Variants in AFG2A observed in about 807,000 individuals in gnomAD.
The protein encoded by AFG2A is ATPase family gene 2 protein homolog A.
the AFG2A span, among the ~76,000 whole-genome samples, chr4:123,153,835 A>G: frequency 1.3e-5 from 2 of 152,188 alleles, no homozygotes; most frequent in Non-Finnish European, 2.9e-5. Flanking sequence ...CACACATTAA[A>G]TACAAAGGAA....
the AFG2A span, among the ~76,000 whole-genome samples, chr4:122,992,769 AC>A: frequency 0.16 from 24,664 of 152,162 alleles, 2,421 homozygotes; most frequent in East Asian, 0.45. Context: ...TTAGCCACTT[AC>A]TTAAATGTAA....
At chr4:123,086,706 A>T in the AFG2A span, among the ~76,000 whole-genome samples, 2 of 151,314 alleles carry the variant, frequency 1.3e-5, no homozygotes, top group East Asian at 1.9e-4. Context: ...TTTTTTTTTT[A>T]AATCTAGTCC....
chr4:123,270,583 G>A, the AFG2A span, among the ~76,000 whole-genome samples: 45 of 151,868 alleles, frequency 3.0e-4, no homozygotes, highest in Admixed American at 1.9e-3. Flanking sequence ...GTTCTTCAGC[G>A]AAATAATGCA....
At chr4:123,177,129 AGTGT>A in the AFG2A span, among the ~76,000 whole-genome samples, 1 of 151,562 alleles carries the variant, frequency 6.6e-6, no homozygotes, top group Non-Finnish European at 1.5e-5. Context: ...CCTTAAATTT[AGTGT>A]CTGTGTAATC....
chr4:122,944,598 G>A, the AFG2A span, among the ~76,000 whole-genome samples: 6 of 152,216 alleles, frequency 3.9e-5, no homozygotes, highest in South Asian at 2.1e-4. Flanking sequence ...CCCGTAGCTC[G>A]GAGTAGTTTG....
the AFG2A span, chr4:122,923,182 G>A: frequency 1.9e-6 from 3 of 1,614,226 alleles, no homozygotes; most frequent in South Asian, 2.2e-5. Context: ...GAACCAAAGC[G>A]CGGAAAATGG....
chr4:123,007,648 C>CATAT, the AFG2A span, among the ~76,000 whole-genome samples: 12 of 39,916 alleles, frequency 3.0e-4, no homozygotes, highest in South Asian at 0.017. Context: ...ACACAACACA[C>CATAT]ACACACACAC....
chr4:123,198,886 G>A, the AFG2A span, among the ~76,000 whole-genome samples: 8 of 152,208 alleles, frequency 5.3e-5, no homozygotes. Context: ...TTAGAATCTA[G>A]ATGAGGCATG....
the AFG2A span, among the ~76,000 whole-genome samples, chr4:123,309,992 A>G: frequency 6.6e-6 from 1 of 152,230 alleles, no homozygotes; most frequent in African/African-American, 2.4e-5. Context: ...CTTGGAACTC[A>G]TACCACAGTA....
At chr4:122,992,837 C>T in the AFG2A span, among the ~76,000 whole-genome samples, 5,390 of 152,194 alleles carry the variant, frequency 0.035, 150 homozygotes, top group South Asian at 0.12. Context: ...AGGTCAAATG[C>T]GTTTTCTTTA....
At chr4:123,025,860 A>G in the AFG2A span, among the ~76,000 whole-genome samples, 1 of 152,242 alleles carries the variant, frequency 6.6e-6, no homozygotes, top group Admixed American at 6.5e-5. Flanking sequence ...TTAAGTTTTA[A>G]GTAACATTTA....
chr4:123,043,948 A>G, the AFG2A span, among the ~76,000 whole-genome samples: 8 of 152,296 alleles, frequency 5.3e-5, no homozygotes, highest in South Asian at 8.3e-4. Flanking sequence ...GCATTCAGAA[A>G]AACTGTTGCC....
At chr4:123,170,524 G>GT in the AFG2A span, among the ~76,000 whole-genome samples, 6 of 152,144 alleles carry the variant, frequency 3.9e-5, no homozygotes, top group Non-Finnish European at 8.8e-5. Flanking sequence ...GTAACTGACA[G>GT]TATGATCCTA....
the AFG2A span, among the ~76,000 whole-genome samples, chr4:123,085,484 G>GA: frequency 1.3e-5 from 2 of 152,086 alleles, no homozygotes; most frequent in African/African-American, 4.8e-5. Flanking sequence ...TTGCATGCTT[G>GA]AAGTCTACTG....
At chr4:123,135,587 T>C in the AFG2A span, among the ~76,000 whole-genome samples, 1 of 152,236 alleles carries the variant, frequency 6.6e-6, no homozygotes, top group East Asian at 1.9e-4. Flanking sequence ...TGGATAGTTA[T>C]GCCTGCTGAA....
chr4:123,052,998 A>G, the AFG2A span, among the ~76,000 whole-genome samples: 1 of 152,206 alleles, frequency 6.6e-6, no homozygotes, highest in South Asian at 2.1e-4. Context: ...GATGAAAGCC[A>G]GAAGACTCAG....
chr4:122,928,891 G>T, the AFG2A span: 1 of 919,764 alleles, frequency 1.1e-6, no homozygotes. Flanking sequence ...TTATCTTATT[G>T]CAATTGGTAT....
At chr4:122,989,773 C>T in the AFG2A span, among the ~76,000 whole-genome samples, 1 of 152,136 alleles carries the variant, frequency 6.6e-6, no homozygotes, top group East Asian at 1.9e-4. Context: ...TATTTCTCTC[C>T]ACATTGTGCT....
the AFG2A span, among the ~76,000 whole-genome samples, chr4:123,099,442 G>A: frequency 6.6e-6 from 1 of 151,532 alleles, no homozygotes; most frequent in Admixed American, 6.6e-5. Context: ...CAGTGTCATG[G>A]AACATTTTCC....
Sources: allele counts gnomAD v4.1 joint callset (sites outside exome capture counted in the v4.1 genomes callset), GRCh38; gene constraint gnomAD v4.1.1; transcripts MANE v1.5; gene names NCBI Gene and HGNC (gene_info 2026-07-23, HGNC 2026-07-21).